PTPRB: variants seen among roughly 807,000 people sequenced by gnomAD.
PTPRB encodes receptor-type tyrosine-protein phosphatase beta.
In PTPRB, 97 loss-of-function variants were observed where a neutral mutation model predicts 238.1. The ratio of observed to expected loss-of-function variants is 0.41; its 90% CI spans 0.35 to 0.48. The LOEUF (loss-of-function observed/expected upper bound fraction) is 0.48. Among genes scored for constraint, PTPRB ranks in the 20% least tolerant of loss-of-function variants. The pLI, the probability that PTPRB is intolerant of heterozygous loss-of-function variation, is 0.30. For missense variants in PTPRB, 2,292 were observed against 2,681.9 expected (o/e 0.85, Z 3.21); for synonymous variants, 970 against 995.4 (o/e 0.97, Z 0.48).
Position 70,621,653 on chromosome 12 carries a change from T to G in PTPRB, c.708+737A>C, listed in dbSNP as rs61930330. On this transcript the variant is annotated intron_variant, in intron 3 of 33. Transcript: ENST00000334414. ...ATGCAAAAGATACCAGAATGCTAAA[T>G]GGATGTGAAGTCATATGACTTCTAT... is the stretch of plus-strand genomic sequence containing the variant. 3.0e-3 allele frequency among the ~76,000 whole-genome samples: 464 copies of G among 152,318 alleles called. 2 individuals carry two copies. The highest frequency in any genetic ancestry group is 5.4e-3 in the Non-Finnish European group (370 of 68,032).
At chr12:70,600,994 A>C (rs954206359) in intron 4 of PTPRB, among the ~76,000 whole-genome samples, 1 of 151,956 alleles carries the variant, frequency 6.6e-6, no homozygotes, top group Non-Finnish European at 1.5e-5. Flanking sequence ...CAGCCTCCTG[A>C]GTAGCTGGGA....
At chr12:70,562,012 C>T (rs1325949935) in intron 16 of PTPRB, among the ~76,000 whole-genome samples, 4 of 152,226 alleles carry the variant, frequency 2.6e-5, no homozygotes, top group Admixed American at 6.5e-5. Flanking sequence ...GCTCACGCCT[C>T]TAATTCCAGC....
intron 2 of PTPRB, among the ~76,000 whole-genome samples, chr12:70,629,687 A>G (rs1356185462): frequency 6.6e-6 from 1 of 152,136 alleles, no homozygotes. Flanking sequence ...AACAAACTAC[A>G]TAAGACTGCT....
rs1885268591 is a variant in PTPRB at position 70,627,700 on chromosome 12, A to G, written c.452-5054T>C. Among the ~76,000 whole-genome samples the G allele has an allele frequency of 2.6e-5, 4 of 152,114 alleles. No homozygotes were observed. In the South Asian group the frequency reaches 8.3e-4, roughly 32 times the overall value. On this transcript the variant is annotated intron_variant, in intron 2 of 33. Transcript: ENST00000334414. The stretch of plus-strand genomic sequence containing the variant: ...TATCTTCAATGATCATATAAATCAT[A>G]TATCAATAATCATTGATAACATTAT...
intron 32 of PTPRB, among the ~76,000 whole-genome samples, chr12:70,526,078 G>C (rs1872389143): frequency 6.6e-6 from 1 of 152,096 alleles, no homozygotes; most frequent in Non-Finnish European, 1.5e-5. Context: ...CAAGTAAACA[G>C]GTACTTATTT....
intron 2 of PTPRB, among the ~76,000 whole-genome samples, chr12:70,630,950 C>T (rs1036621837): frequency 6.6e-6 from 1 of 152,198 alleles, no homozygotes. Flanking sequence ...CATGGAAGAA[C>T]ATTCCATGCT....
At chr12:70,600,265 A>G (rs1883367389) in intron 4 of PTPRB, among the ~76,000 whole-genome samples, 1 of 152,110 alleles carries the variant, frequency 6.6e-6, no homozygotes, top group Non-Finnish European at 1.5e-5. Flanking sequence ...ATAATCTACA[A>G]CATGCTTTCT....
At position 70,636,190 on chromosome 12, in the gene PTPRB, ATCATT is replaced by A. The variant is rs1400403812; in HGVS notation, c.56-129_56-125del. 15 of 1,030,868 alleles carry A rather than the reference ATCATT, an allele frequency of 1.5e-5. No homozygotes were observed. In the East Asian group the frequency reaches 2.4e-4, roughly 16 times the overall value. 63.9% of individuals were successfully genotyped at this position (1,030,868 alleles called of 1,614,324 possible). On this transcript the variant is annotated intron_variant, in intron 1 of 33. Coordinates refer to ENST00000334414, the MANE Select transcript of PTPRB (RefSeq NM_001109754.4). Reference sequence around the variant, plus strand: ...GTTTTACTTATATTTTGTTATTTCTATCATTTCAAGTGAACATTCTCATATTTAAC... The same window carrying A: ...GTTTTACTTATATTTTGTTATTTCTATCAAGTGAACATTCTCATATTTAAC...
chr12:70,524,897 A>G (rs1454396625), intron 32 of PTPRB, among the ~76,000 whole-genome samples: 1 of 150,592 alleles, frequency 6.6e-6, no homozygotes, highest in African/African-American at 2.5e-5. Flanking sequence ...ATATATGTGT[A>G]TATATGTGTA....
In PTPRB at chr12:70,594,698, T is replaced by G. The variant is rs749095255; in HGVS notation, c.1285A>C (p.Ile429Leu). 6.2e-7 allele frequency: 1 copy of G among 1,613,962 alleles called. No individual in the cohort carries two copies. Among genetic ancestry groups the G allele is most frequent in the Non-Finnish European group, 8.5e-7 (1 of 1,179,850 alleles). Residue 429 changes from isoleucine (I) to leucine (L), a missense_variant, in exon 6 of 34, where the codon ATT becomes CTT. Physicochemically the swap from Ile to Leu is conservative, Grantham distance 5 (BLOSUM62 2). Coordinates refer to ENST00000334414, the MANE Select transcript of PTPRB (RefSeq NM_001109754.4). ...AGGAGAGAATTGGCTTTTGTGGAAA[T>G]ACCAATATCTTTCACTGGAGATGGC... Reference protein sequence around the residue: ...TVPSPVKDIGISTKANSLLIS... With the variant: ...TVPSPVKDIGLSTKANSLLIS...
intron 6 of PTPRB, among the ~76,000 whole-genome samples, chr12:70,593,054 A>G (rs1882645895): frequency 6.7e-6 from 1 of 149,344 alleles, no homozygotes; most frequent in Admixed American, 6.7e-5. Context: ...AGATCGATCA[A>G]TTGATTGATT....
intron 11 of PTPRB, among the ~76,000 whole-genome samples, chr12:70,574,396 TAC>T (rs1178994941): frequency 6.6e-6 from 1 of 152,178 alleles, no homozygotes; most frequent in Non-Finnish European, 1.5e-5. Flanking sequence ...TAAAACCAAT[TAC>T]AGTGTTGTTA....
At chr12:70,592,051 C>T (rs899642164) in intron 7 of PTPRB, 26 of 578,438 alleles carry the variant, frequency 4.5e-5, no homozygotes, top group East Asian at 2.6e-4. Flanking sequence ...ACTTAAGTGA[C>T]GTGACATGAA....
chr12:70,529,828 G>GAGAC (rs1265974835), intron 32 of PTPRB, among the ~76,000 whole-genome samples: 1 of 152,134 alleles, frequency 6.6e-6, no homozygotes, highest in African/African-American at 2.4e-5. Flanking sequence ...CGCTGAAAGA[G>GAGAC]AGACAGACAT....
In PTPRB at chr12:70,564,833, CAAAAATAATA is replaced by C. The variant is rs1455498676; in HGVS notation, c.3904+1592_3904+1601del. 3.5e-4 allele frequency among the ~76,000 whole-genome samples: 19 copies of C among 53,882 alleles called. 1 individual carries two copies. The East Asian group carries it at 8.8e-3, about 25-fold the overall frequency. The allele number at this position is 53,882 out of a possible 152,430, so 35.3% of individuals were successfully genotyped here. On this transcript the variant is annotated intron_variant, in intron 15 of 33. Transcript: ENST00000334414. ...GGGTGCCAGAGCGAGGTTCTGTCTC[CAAAAATAATA>C]AATAATAATAATAATAATAATAATA...
At chr12:70,616,970 G>C (rs1320187367) in intron 3 of PTPRB, among the ~76,000 whole-genome samples, 1 of 152,124 alleles carries the variant, frequency 6.6e-6, no homozygotes, top group Non-Finnish European at 1.5e-5. Flanking sequence ...ATATACAAAA[G>C]TTGGTCCTCT....
At chr12:70,606,052 G>T (rs1331459568) in intron 4 of PTPRB, among the ~76,000 whole-genome samples, 1 of 152,160 alleles carries the variant, frequency 6.6e-6, no homozygotes, top group Non-Finnish European at 1.5e-5. Context: ...CCTGAGAATT[G>T]CCAAATATCT....
chr12:70,575,424 C>T (rs1880574620), intron 11 of PTPRB, among the ~76,000 whole-genome samples: 1 of 152,182 alleles, frequency 6.6e-6, no homozygotes, highest in Non-Finnish European at 1.5e-5. Flanking sequence ...ATATACCTTT[C>T]CTATCCCCAG....
chr12:70,556,355 G>A (rs1447808881), intron 18 of PTPRB, among the ~76,000 whole-genome samples: 1 of 152,300 alleles, frequency 6.6e-6, no homozygotes, highest in Non-Finnish European at 1.5e-5. Flanking sequence ...GAGGACAGGT[G>A]TGGACAAGTC....
Sources: allele counts gnomAD v4.1 joint callset (sites outside exome capture counted in the v4.1 genomes callset), GRCh38; gene constraint gnomAD v4.1.1; transcripts MANE v1.5; gene names NCBI Gene and HGNC (gene_info 2026-07-23, HGNC 2026-07-21).